Variants in PRRT1B observed in about 807,000 individuals in gnomAD.
The protein encoded by PRRT1B is proline rich transmembrane protein 1B.
intron 3 of PRRT1B, 117 bp downstream of exon 3, chr9:131,556,330 G>A (rs1052707222): frequency 1.5e-5 from 6 of 396,792 alleles, no homozygotes; most frequent in East Asian, 7.1e-5. Context: ...TCCCTCTGGA[G>A]GGGGGTGGGA....
chr9:131,552,839 A>ATTTTTTTTT (rs61662684), intron 1 of PRRT1B, among the ~76,000 whole-genome samples: 5 of 133,802 alleles, frequency 3.7e-5, no homozygotes, highest in Non-Finnish European at 3.2e-5. Flanking sequence ...CACCTGGTTA[A>ATTTTTTTTT]TTTTTTTTTT....
intron 1 of PRRT1B, among the ~76,000 whole-genome samples, chr9:131,550,291 C>A (rs532167108): frequency 6.6e-6 from 1 of 152,178 alleles, no homozygotes; most frequent in East Asian, 1.9e-4. Context: ...TACCTCCCTC[C>A]ACAACCCATT....
At chr9:131,546,643 TC>T (rs1386503816) in intron 1 of PRRT1B, among the ~76,000 whole-genome samples, 1 of 82,384 alleles carries the variant, frequency 1.2e-5, no homozygotes, top group Non-Finnish European at 2.5e-5. Context: ...CCTCCAGGAC[TC>T]CCCCCCAGAC....
downstream of PRRT1B, among the ~76,000 whole-genome samples, chr9:131,558,887 G>C (rs1283303248): frequency 2.0e-5 from 3 of 152,166 alleles, no homozygotes; most frequent in Admixed American, 2.0e-4. Flanking sequence ...GGCAACATCT[G>C]TCCACAGTTG....
exon 4 of PRRT1B, chr9:131,558,429 A>C: frequency 2.2e-5 from 8 of 369,430 alleles, no homozygotes; most frequent in East Asian, 3.9e-5. Flanking sequence ...CAGTGTCCTA[A>C]TCCAAGGTGT....
At chr9:131,546,042 A>C (rs1196961982) in intron 1 of PRRT1B, among the ~76,000 whole-genome samples, 2 of 151,762 alleles carry the variant, frequency 1.3e-5, no homozygotes, top group African/African-American at 4.8e-5. Flanking sequence ...AAAGTTCAGG[A>C]GCTCTGGGGG....
rs562433317 is a variant in PRRT1B, at chr9:131,556,282, C to T, written c.642+69C>T. ...AGCCACTGGCGCCCCAGTGGGTCCA[C>T]AGAGCCCCTCTTCCAGCAACACGGT... On this transcript the variant is annotated intron_variant, in intron 3 of 3. Transcript: ENST00000636672. 7.5e-6 allele frequency: 3 copies of T among 400,022 alleles called. No individual in the cohort carries two copies. In the Admixed American group the frequency reaches 1.3e-4, roughly 18 times the overall value. The allele number at this position is 400,022 out of a possible 1,614,324, so 24.8% of individuals were successfully genotyped here.
chr9:131,557,078 C>T (rs2132013639), intron 3 of PRRT1B, among the ~76,000 whole-genome samples: 1 of 152,184 alleles, frequency 6.6e-6, no homozygotes, highest in Admixed American at 6.5e-5. Flanking sequence ...CCCTACCCAT[C>T]CATCCATCCC....
At chr9:131,547,650 C>A (rs1370040667) in intron 1 of PRRT1B, among the ~76,000 whole-genome samples, 1 of 152,194 alleles carries the variant, frequency 6.6e-6, no homozygotes, top group East Asian at 1.9e-4. Flanking sequence ...GATCGGGGGA[C>A]CTCCCTTGGG....
At chr9:131,549,402 C>T (rs369682282) in intron 1 of PRRT1B, among the ~76,000 whole-genome samples, 2 of 149,924 alleles carry the variant, frequency 1.3e-5, no homozygotes, top group East Asian at 3.9e-4. Flanking sequence ...TGCCCCCAGC[C>T]CGGGATTCCT....
At chr9:131,547,704 T>G (rs559134256) in intron 1 of PRRT1B, among the ~76,000 whole-genome samples, 1 of 152,158 alleles carries the variant, frequency 6.6e-6, no homozygotes, top group Non-Finnish European at 1.5e-5. Context: ...GTGAGAAAGA[T>G]CCACCTACGA....
In PRRT1B at chr9:131,551,775, A is replaced by G. The variant is rs539812993; in HGVS notation, c.26-2782A>G. 2.7e-5 allele frequency among the ~76,000 whole-genome samples: 4 copies of G among 150,568 alleles called. No homozygotes were observed. The highest frequency in any genetic ancestry group is 9.8e-5 in the African/African-American group (4 of 40,830). Reference sequence around the variant, plus strand: ...GCCCACCAGAGAACAACCCCCTTTGACTGTAATTTTCCTTTACCTACGCAA... The same window carrying G: ...GCCCACCAGAGAACAACCCCCTTTGGCTGTAATTTTCCTTTACCTACGCAA... On this transcript the variant is annotated intron_variant, in intron 1 of 3. Coordinates refer to ENST00000636672, the Ensembl canonical transcript of PRRT1B. This position sits in a 1 kb window ranked among gnomAD's most constrained non-coding sequence, Gnocchi z 4.4.
At position 131,556,221 on chromosome 9, in the gene PRRT1B, C is replaced by T. The variant is rs546225511; in HGVS notation, c.642+8C>T. On this transcript the variant is annotated splice_region_variant and intron_variant, in intron 3 of 3. Coordinates refer to ENST00000636672, the Ensembl canonical transcript of PRRT1B. ...ATCGTCTACTCCCACGAGGTAGGTG[C>T]GGGGGCGGCCCTGGGCACAGCCTCT... 32 of 400,884 alleles carry T rather than the reference C, an allele frequency of 8.0e-5. No homozygotes were observed. Among genetic ancestry groups the T allele is most frequent in the African/African-American group, 3.7e-4 (18 of 48,774 alleles). The allele number at this position is 400,884 out of a possible 1,614,324, so 24.8% of individuals were successfully genotyped here. A position where few individuals can be genotyped will look rare whatever the true frequency, so the allele number is the denominator to read the frequency against.
chr9:131,554,975 C>T (rs1951038753), exon 2 of PRRT1B: 1 of 393,854 alleles, frequency 2.5e-6, no homozygotes, highest in Non-Finnish European at 4.5e-6. Context: ...CAGCCGCGCC[C>T]ACGCCGCCCG....
chr9:131,553,713 C>T (rs2132010271), intron 1 of PRRT1B, among the ~76,000 whole-genome samples: 1 of 152,332 alleles, frequency 6.6e-6, no homozygotes, highest in South Asian at 2.1e-4. Flanking sequence ...AAAGCCAGAC[C>T]CCTGGCTCTG....
At chr9:131,549,161 G>A (rs1015122680) in intron 1 of PRRT1B, among the ~76,000 whole-genome samples, 4 of 152,104 alleles carry the variant, frequency 2.6e-5, no homozygotes, top group African/African-American at 7.2e-5. Context: ...CCCCACAACA[G>A]GACTTAATTA....
At chr9:131,555,133 C>T (rs562635668) in intron 2 of PRRT1B, 104 bp downstream of exon 2, 98 of 75,580 alleles carry the variant, frequency 1.3e-3, no homozygotes, top group Middle Eastern at 8.0e-3. Flanking sequence ...TGGGGGCGGG[C>T]GAGTCCGGGA....
rs553882241 is a variant in PRRT1B at position 131,551,011 on chromosome 9, C to A, written c.26-3546C>A. 7.7e-6 allele frequency among the ~76,000 whole-genome samples: 1 copy of A among 130,686 alleles called. No individual in the cohort carries two copies. The highest frequency in any genetic ancestry group is 1.5e-5 in the Non-Finnish European group (1 of 64,640). The allele number at this position is 130,686 out of a possible 152,430, so 85.7% of individuals were successfully genotyped here. On this transcript the variant is annotated intron_variant, in intron 1 of 3. Transcript: ENST00000636672. The surrounding 1 kb of genome is among the most constrained non-coding windows in gnomAD (Gnocchi z 4.4). Reference sequence around the variant, plus strand: ...AGGCTGGAGTGCAGTGGCGCGATCTCGGCTCACTGCAAGCTCTGCCTCCCG... The same window carrying A: ...AGGCTGGAGTGCAGTGGCGCGATCTAGGCTCACTGCAAGCTCTGCCTCCCG...
In PRRT1B at chr9:131,551,330, A is replaced by G. The variant is rs1303724173; in HGVS notation, c.26-3227A>G. On this transcript the variant is annotated intron_variant, in intron 1 of 3. Transcript: ENST00000636672. The surrounding 1 kb of genome is among the most constrained non-coding windows in gnomAD (Gnocchi z 4.4). ...AAATGCTCCTTCTAACAACCCCACA[A>G]TATCACCTCTTACCACAAAATCTTC... Among the ~76,000 whole-genome samples the G allele has an allele frequency of 1.3e-5, 2 of 151,752 alleles. No homozygotes were observed. Among genetic ancestry groups the G allele is most frequent in the African/African-American group, 2.4e-5 (1 of 41,320 alleles).
Sources: gnomAD v4.1 joint callset for allele counts (sites outside exome capture counted in the v4.1 genomes callset) on GRCh38, gnomAD v4.1.1 for gene constraint, Gnocchi (gnomAD v3.1) non-coding constraint, MANE v1.5 for transcripts, NCBI Gene and HGNC (gene_info 2026-07-23, HGNC 2026-07-21) for gene names.